The following FOXP1 variants were observed in gnomAD, a reference collection of about 807,000 sequenced individuals.
The protein encoded by FOXP1 is forkhead box P1.
Under a neutral mutation model 98.2 loss-of-function variants are expected in FOXP1, and 15 were observed. The ratio of observed to expected loss-of-function variants is 0.15; its 90% confidence interval spans 0.10 to 0.24. FOXP1 has a LOEUF of 0.24. Ranked by LOEUF, FOXP1 falls within the 10% of genes least tolerant of loss-of-function variation. The probability of loss-of-function intolerance (pLI) is 1.00; values close to 1 mark genes in which losing one functional copy is unlikely to be tolerated. For missense variants in FOXP1, 633 were observed against 848.5 expected, an observed-to-expected ratio of 0.75 and a Z score of 3.15; for synonymous variants, 371 against 314.5, an observed-to-expected ratio of 1.18 and a Z score of -1.90.
At chr3:71,174,619 G>T (rs1379350714) in intron 6 of FOXP1, among the ~76,000 whole-genome samples, 1 of 151,988 alleles carries the variant, frequency 6.6e-6, no homozygotes, top group Non-Finnish European at 1.5e-5. Flanking sequence ...ATACATCAGG[G>T]GTATCCATGC....
At chr3:71,460,855 G>C (rs1310468736) in intron 3 of FOXP1, among the ~76,000 whole-genome samples, 1 of 152,168 alleles carries the variant, frequency 6.6e-6, no homozygotes, top group Non-Finnish European at 1.5e-5. Flanking sequence ...AAATTTGATT[G>C]TACACCGTAT....
At chr3:71,311,480 G>C (rs1298185212) in intron 4 of FOXP1, among the ~76,000 whole-genome samples, 1 of 152,232 alleles carries the variant, frequency 6.6e-6, no homozygotes, top group African/African-American at 2.4e-5. Flanking sequence ...ATCAGTGTAT[G>C]AGTGGAACAA....
chr3:71,523,089 A>G (rs1170127764), intron 2 of FOXP1, among the ~76,000 whole-genome samples: 1 of 152,168 alleles, frequency 6.6e-6, no homozygotes, highest in Non-Finnish European at 1.5e-5. Context: ...GTCTGTAAAA[A>G]GGGGAAATTG....
At chr3:71,260,426 G>A (rs1237567873) in intron 5 of FOXP1, among the ~76,000 whole-genome samples, 1 of 152,108 alleles carries the variant, frequency 6.6e-6, no homozygotes, top group African/African-American at 2.4e-5. Context: ...ATTTCACATG[G>A]TAGTGCTTTA....
At chr3:71,056,203 A>G (rs1253875004) in intron 7 of FOXP1, among the ~76,000 whole-genome samples, 1 of 152,216 alleles carries the variant, frequency 6.6e-6, no homozygotes, top group Non-Finnish European at 1.5e-5. Flanking sequence ...TAAAAGTTAC[A>G]TATGTCTCCT....
intron 4 of FOXP1, chr3:71,332,794 C>G (rs1577015514): frequency 6.6e-6 from 1 of 152,142 alleles, no homozygotes; most frequent in African/African-American, 2.4e-5. Context: ...TGTAATACAA[C>G]AGATGTGGAA....
At chr3:71,194,930 C>G (rs2063211708) in intron 6 of FOXP1, among the ~76,000 whole-genome samples, 1 of 152,160 alleles carries the variant, frequency 6.6e-6, no homozygotes, top group South Asian at 2.1e-4. Context: ...CAGCACCTCT[C>G]TTGGGCTGAT....
In FOXP1 at chr3:71,019,996, G is replaced by A. The variant is rs1346007011; in HGVS notation, c.870-4343C>T. 2.6e-5 allele frequency among the ~76,000 whole-genome samples: 4 copies of A among 152,126 alleles called. No homozygotes were observed. In the East Asian group the frequency reaches 7.7e-4, roughly 29 times the overall value. On this transcript the variant is annotated intron_variant, in intron 11 of 20. Coordinates refer to ENST00000649528, the MANE Select transcript of FOXP1 (RefSeq NM_001349338.3). ...AACTGGTGTTGGCCTTTTTAAAAAT[G>A]TCTTGTAGGTAAAGACCAGAATTAT...
intron 3 of FOXP1, among the ~76,000 whole-genome samples, chr3:71,466,906 G>A (rs1335836376): frequency 6.6e-6 from 1 of 152,122 alleles, no homozygotes; most frequent in East Asian, 1.9e-4. Flanking sequence ...ACTTATCCTT[G>A]GATACGTTTT....
chr3:70,999,428 A>T (rs147652000), intron 13 of FOXP1, among the ~76,000 whole-genome samples: 59 of 152,310 alleles, frequency 3.9e-4, no homozygotes, highest in African/African-American at 1.3e-3. Flanking sequence ...TAATCATAAA[A>T]GAACTCTGTG....
At chr3:71,502,864 C>T (rs1006068223) in intron 2 of FOXP1, among the ~76,000 whole-genome samples, 1 of 151,386 alleles carries the variant, frequency 6.6e-6, no homozygotes, top group African/African-American at 2.4e-5. Flanking sequence ...ACAGCTAATA[C>T]GGGAGGAAAA....
At chr3:71,094,136 C>T (rs75662689) in intron 7 of FOXP1, among the ~76,000 whole-genome samples, 1,712 of 152,256 alleles carry the variant, frequency 0.011, 30 homozygotes, top group African/African-American at 0.039. Context: ...CACTGCAGGA[C>T]GCACAGTCTC....
chr3:71,351,171 G>A (rs1375473558), intron 4 of FOXP1, among the ~76,000 whole-genome samples: 1 of 152,160 alleles, frequency 6.6e-6, no homozygotes, highest in Non-Finnish European at 1.5e-5. Flanking sequence ...GAATCCAACA[G>A]GGAGCACAGC....
chr3:71,242,714 A>G (rs2067387590), intron 5 of FOXP1, among the ~76,000 whole-genome samples: 1 of 152,086 alleles, frequency 6.6e-6, no homozygotes, highest in Non-Finnish European at 1.5e-5. Flanking sequence ...GTGAGGGTAC[A>G]TCGCTGTGAT....
intron 7 of FOXP1, among the ~76,000 whole-genome samples, chr3:71,099,552 C>A (rs1036654239): frequency 3.3e-5 from 5 of 152,008 alleles, no homozygotes; most frequent in African/African-American, 7.3e-5. Flanking sequence ...AACAAAAAAA[C>A]CCCACAGTTT....
chr3:71,516,847 A>AAAAAG (rs1256577554), intron 2 of FOXP1, among the ~76,000 whole-genome samples: 1 of 152,182 alleles, frequency 6.6e-6, no homozygotes, highest in Non-Finnish European at 1.5e-5. Context: ...CTCTGTCTCA[A>AAAAAG]AAAAGAAAAG....
chr3:71,250,713 C>T lies in FOXP1; in HGVS notation c.-12+49107G>A, dbSNP rs538187786. Among the ~76,000 whole-genome samples the T allele has an allele frequency of 1.7e-3, 257 of 152,276 alleles. 1 individual carries two copies. The highest frequency in any genetic ancestry group is 5.2e-3 in the Admixed American group (79 of 15,292). On this transcript the variant is annotated intron_variant, in intron 5 of 20. Transcript: ENST00000649528. ...TGGGAGGCTGAGGTGGGCAGATCAC[C>T]TGAGGTCAGGAGTTCGAGACCAGCC...
intron 3 of FOXP1, among the ~76,000 whole-genome samples, chr3:71,475,323 A>AT (rs1238555894): frequency 2.0e-5 from 3 of 152,106 alleles, no homozygotes; most frequent in Non-Finnish European, 4.4e-5. Context: ...AGCAACTATA[A>AT]TTTTTTAAGA....
At chr3:70,993,654 C>T (rs2040939092) in intron 13 of FOXP1, among the ~76,000 whole-genome samples, 1 of 152,196 alleles carries the variant, frequency 6.6e-6, no homozygotes, top group Non-Finnish European at 1.5e-5. Context: ...ATTAAACACA[C>T]TCATTAAATG....
Sources: gnomAD v4.1 joint callset for allele counts (sites outside exome capture counted in the v4.1 genomes callset) on GRCh38, gnomAD v4.1.1 for gene constraint, MANE v1.5 for transcripts, NCBI Gene and HGNC (gene_info 2026-07-23, HGNC 2026-07-21) for gene names.